KIF6: variants seen among roughly 807,000 people sequenced by gnomAD.
KIF6 encodes kinesin-like protein KIF6.
KIF6 carries 106 observed loss-of-function variants against 112.7 expected under a neutral mutation model. The observed-to-expected ratio is 0.94, with a 90% CI of 0.80 to 1.11. KIF6 has a LOEUF of 1.11. Among genes scored for constraint, KIF6 ranks in the 50% least tolerant of loss-of-function variants. The probability of loss-of-function intolerance (pLI) is 0.00; values close to 1 mark genes in which losing one functional copy is unlikely to be tolerated. For missense variants in KIF6, 929 were observed against 964.0 expected (o/e 0.96, Z 0.48); for synonymous variants, 339 against 339.9 (o/e 1.00, Z 0.03).
intron 6 of KIF6, 66 bp downstream of exon 6, chr6:39,613,123 T>C: frequency 4.9e-6 from 6 of 1,235,868 alleles, no homozygotes; most frequent in Non-Finnish European, 6.5e-6. Context: ...TTTTTTTTTC[T>C]GCCTTGGCTT....
intron 3 of KIF6, among the ~76,000 whole-genome samples, chr6:39,656,723 C>T (rs561118547): frequency 6.6e-6 from 1 of 152,324 alleles, no homozygotes; most frequent in South Asian, 2.1e-4. Context: ...TCTGCCCCAA[C>T]CAAATTTCTT....
intron 5 of KIF6, among the ~76,000 whole-genome samples, chr6:39,614,339 A>C (rs1582274127): frequency 6.6e-6 from 1 of 152,346 alleles, no homozygotes; most frequent in South Asian, 2.1e-4. Context: ...GGAATTGTTG[A>C]CACTAAGTAA....
At chr6:39,464,737 CA>C (rs1219585844) in intron 13 of KIF6, among the ~76,000 whole-genome samples, 4 of 152,144 alleles carry the variant, frequency 2.6e-5, no homozygotes, top group African/African-American at 7.2e-5. Flanking sequence ...AACAAGACCC[CA>C]CAGGAGCCCA....
chr6:39,609,333 TC>T (rs1221334472), intron 6 of KIF6, among the ~76,000 whole-genome samples: 1 of 152,032 alleles, frequency 6.6e-6, no homozygotes, highest in Non-Finnish European at 1.5e-5. Flanking sequence ...TCACCAAAGG[TC>T]CCCTGCAAGC....
intron 15 of KIF6, among the ~76,000 whole-genome samples, chr6:39,389,516 T>C (rs1416645445): frequency 6.6e-6 from 1 of 152,136 alleles, no homozygotes; most frequent in Admixed American, 6.5e-5. Context: ...CCTAGGAAAG[T>C]CAGTGCAGTA....
At chr6:39,724,472 AAAG>A (rs1790417762) in intron 1 of KIF6, among the ~76,000 whole-genome samples, 1 of 151,266 alleles carries the variant, frequency 6.6e-6, no homozygotes, top group African/African-American at 2.4e-5. Context: ...AAAAAAAAAA[AAAG>A]GTGCATACAA....
chr6:39,467,066 C>G (rs1581919606), intron 13 of KIF6, among the ~76,000 whole-genome samples: 1 of 152,168 alleles, frequency 6.6e-6, no homozygotes, highest in South Asian at 2.1e-4. Flanking sequence ...CAACAGAGAG[C>G]TTTATAGCTT....
At chr6:39,565,190 A>T (rs1223902954) in intron 10 of KIF6, among the ~76,000 whole-genome samples, 1 of 138,720 alleles carries the variant, frequency 7.2e-6, no homozygotes, top group African/African-American at 3.1e-5. Context: ...CTTGATCTAT[A>T]CAGACAGTTA....
intron 13 of KIF6, among the ~76,000 whole-genome samples, chr6:39,448,043 A>G (rs902147428): frequency 1.3e-5 from 2 of 152,066 alleles, no homozygotes; most frequent in East Asian, 1.9e-4. Flanking sequence ...GCGATTCTTC[A>G]TACTCTCTCT....
intron 15 of KIF6, among the ~76,000 whole-genome samples, chr6:39,389,221 T>A (rs992999593): frequency 1.3e-5 from 2 of 152,124 alleles, no homozygotes; most frequent in African/African-American, 4.8e-5. Flanking sequence ...CAGTATTCAG[T>A]CTTCTGAATA....
At chr6:39,571,109 T>G (rs1442875462) in intron 10 of KIF6, among the ~76,000 whole-genome samples, 1 of 152,206 alleles carries the variant, frequency 6.6e-6, no homozygotes, top group Admixed American at 6.5e-5. Context: ...TGAGCCTTTC[T>G]TATCTTTCCT....
intron 3 of KIF6, among the ~76,000 whole-genome samples, chr6:39,686,976 G>A (rs929553543): frequency 6.6e-6 from 1 of 152,124 alleles, no homozygotes; most frequent in African/African-American, 2.4e-5. Context: ...ATGAAGAAAT[G>A]AAGCTACACT....
At position 39,334,480 on chromosome 6, in the gene KIF6, T is replaced by G. The variant is rs1762840749; in HGVS notation, c.*2052A>C. ...CTGTAGTTCCAGCTACTTTGGAGGC[T>G]GAGGTGAGAGGATCGCTTGAGCCCA... On this transcript the variant is annotated 3_prime_UTR_variant, in exon 23 of 23. Coordinates refer to ENST00000287152, the MANE Select transcript of KIF6 (RefSeq NM_145027.6). 1 of 152,504 alleles carries G rather than the reference T, an allele frequency of 6.6e-6. No homozygotes were observed. The highest frequency in any genetic ancestry group is 2.4e-5 in the African/African-American group (1 of 41,448). 9.4% of individuals were successfully genotyped at this position (152,504 alleles called of 1,614,324 possible).
At chr6:39,471,410 A>ACC (rs1260309722) in intron 13 of KIF6, among the ~76,000 whole-genome samples, 1 of 152,026 alleles carries the variant, frequency 6.6e-6, no homozygotes, top group Non-Finnish European at 1.5e-5. Context: ...TGGGCCAGCT[A>ACC]CCTACATGGA....
intron 22 of KIF6, among the ~76,000 whole-genome samples, chr6:39,337,148 CT>C (rs879799516): frequency 0.05 from 4,847 of 97,446 alleles, 431 homozygotes; most frequent in East Asian, 0.056. Context: ...TCCTTCCTTT[CT>C]CTTTCTTTTC....
intron 3 of KIF6, among the ~76,000 whole-genome samples, chr6:39,705,338 A>G (rs1485594212): frequency 6.6e-6 from 1 of 152,230 alleles, no homozygotes; most frequent in African/African-American, 2.4e-5. Flanking sequence ...TGGCCTAGAC[A>G]AAAGAGCAGG....
chr6:39,545,105 C>T (rs984913434), intron 11 of KIF6, among the ~76,000 whole-genome samples: 1 of 152,084 alleles, frequency 6.6e-6, no homozygotes, highest in Non-Finnish European at 1.5e-5. Context: ...TTATCTATAC[C>T]TGGCCCTTAG....
chr6:39,652,658 T>C (rs1001626783), intron 3 of KIF6, among the ~76,000 whole-genome samples: 7 of 152,228 alleles, frequency 4.6e-5, no homozygotes, highest in South Asian at 4.1e-4. Flanking sequence ...ACTGAACTTA[T>C]GTTTTTTTTC....
intron 5 of KIF6, among the ~76,000 whole-genome samples, chr6:39,622,524 C>A (rs1385832217): frequency 6.6e-6 from 1 of 152,080 alleles, no homozygotes; most frequent in Non-Finnish European, 1.5e-5. Context: ...GAAATAAGGG[C>A]TCTAAATGGA....
Sources: gnomAD v4.1 joint callset for allele counts (sites outside exome capture counted in the v4.1 genomes callset) on GRCh38, gnomAD v4.1.1 for gene constraint, MANE v1.5 for transcripts, NCBI Gene and HGNC (gene_info 2026-07-23, HGNC 2026-07-21) for gene names.